Variants in KCTD3 observed in about 807,000 individuals in gnomAD.
KCTD3 encodes the protein BTB/POZ domain-containing protein KCTD3.
A neutral mutation model predicts 85.8 loss-of-function variants in KCTD3; 41 were observed. The ratio of observed to expected loss-of-function variants is 0.48; its 90% CI spans 0.37 to 0.62. KCTD3 has a LOEUF of 0.62. Among genes scored for constraint, KCTD3 ranks in the 20% least tolerant of loss-of-function variants. The pLI, the probability that KCTD3 is intolerant of heterozygous loss-of-function variation, is 0.00. For missense variants in KCTD3, 724 were observed against 989.9 expected (o/e 0.73, Z 3.60); for synonymous variants, 338 against 345.4 (o/e 0.98, Z 0.24).
At chr1:215,597,976 ATACT>A (rs1453788644) in intron 10 of KCTD3, among the ~76,000 whole-genome samples, 6 of 152,148 alleles carry the variant, frequency 3.9e-5, no homozygotes, top group South Asian at 4.2e-4. Flanking sequence ...GAAATATGAG[ATACT>A]TACTTAGATT....
chr1:215,596,999 C>T (rs188028113), intron 10 of KCTD3, among the ~76,000 whole-genome samples: 335 of 152,146 alleles, frequency 2.2e-3, no homozygotes, highest in Middle Eastern at 0.014. Context: ...AAGAGAAAGA[C>T]GTTGAAGAAT....
Position 215,579,096 on chromosome 1 carries a change from A to T in KCTD3, c.494A>T (p.Gln165Leu), listed in dbSNP as rs1252152014. Reference sequence around the variant, plus strand: ...GGTGAAGCCCGGGGAAATGGTACACAGCCTGTTCTCTCTGGAACGGGAGAA... The same window carrying T: ...GGTGAAGCCCGGGGAAATGGTACACTGCCTGTTCTCTCTGGAACGGGAGAA... Reference protein sequence around the residue: ...TEGEARGNGTQPVLSGTGEET... With the variant: ...TEGEARGNGTLPVLSGTGEET... Residue 165 changes from glutamine to leucine, a missense_variant, in exon 7 of 18, where the codon CAG becomes CTG. Coordinates refer to ENST00000259154, the MANE Select transcript of KCTD3 (RefSeq NM_016121.5). 1 of 1,608,766 alleles carries T rather than the reference A, an allele frequency of 6.2e-7. No homozygotes were observed. The highest frequency in any genetic ancestry group is 1.3e-5 in the African/African-American group (1 of 74,524).
chr1:215,581,815 T>C (rs1659835493), intron 8 of KCTD3, among the ~76,000 whole-genome samples: 1 of 152,188 alleles, frequency 6.6e-6, no homozygotes, highest in Non-Finnish European at 1.5e-5. Flanking sequence ...ACAATGGCAA[T>C]AAAAAGATTT....
At position 215,620,470 on chromosome 1, in the gene KCTD3, G is replaced by C. The variant is rs762293357; in HGVS notation, c.2300G>C (p.Arg767Thr). The change falls in exon 18 of 18, where the codon AGA becomes ACA. Residue 767 changes from arginine to threonine, a missense_variant. By Grantham distance (71) the Arg-to-Thr change is moderately conservative. Transcript: ENST00000259154. ...GGFEGGGFLG[R>T]KKVPYLASSP... ...TTTGAAGGGGGAGGATTCCTTGGAAGAAAGAAAGTTCCCTATCTGGCGTCA... is the reference window on the plus strand; with the variant it reads ...TTTGAAGGGGGAGGATTCCTTGGAACAAAGAAAGTTCCCTATCTGGCGTCA... The C allele has an allele frequency of 1.1e-5, 17 of 1,613,850 alleles. No homozygotes were observed. The highest frequency in any genetic ancestry group is 1.4e-5 in the Non-Finnish European group (17 of 1,179,786).
chr1:215,594,115 C>G (rs1660322261), intron 9 of KCTD3, among the ~76,000 whole-genome samples: 1 of 152,150 alleles, frequency 6.6e-6, no homozygotes, highest in Admixed American at 6.5e-5. Context: ...CCGCCCTGGC[C>G]TCCCAAAGTG....
rs1233576553 is a variant in KCTD3, at chr1:215,575,924, A to G, written c.207A>G (p.Ala69=). ...TGAIFIDRDP[A]AFAPILNFLR... ...AGATATTTATTGATAGAGATCCAGC[A>G]GCATTTGCACCCATTTTAAATTTTC... Residue 69 remains alanine, a synonymous_variant, in exon 4 of 18, where the codon GCA becomes GCG. Transcript: ENST00000259154. 1 of 1,562,824 alleles carries G rather than the reference A, an allele frequency of 6.4e-7. No individual in the cohort carries two copies. Among genetic ancestry groups the G allele is most frequent in the Non-Finnish European group, 8.7e-7 (1 of 1,150,718 alleles).
chr1:215,606,710 A>C (rs1236034829), intron 13 of KCTD3, among the ~76,000 whole-genome samples: 1 of 152,070 alleles, frequency 6.6e-6, no homozygotes, highest in Non-Finnish European at 1.5e-5. Flanking sequence ...TGTCAAGAGA[A>C]ATATCCTTTT....
chr1:215,586,417 G>T, intron 8 of KCTD3, 78 bp from the exon 9 acceptor site: 22 of 1,122,010 alleles, frequency 2.0e-5, no homozygotes, highest in Admixed American at 7.3e-5. Flanking sequence ...GTTGTTTTTT[G>T]TTTTTGGTGC....
At chr1:215,570,230 C>CT (rs528176748) in intron 1 of KCTD3, among the ~76,000 whole-genome samples, 3,769 of 139,188 alleles carry the variant, frequency 0.027, 149 homozygotes, top group African/African-American at 0.09. Context: ...TCGGTAAGGT[C>CT]TTTTTTTTTT....
At chr1:215,582,797 A>G (rs111712738) in intron 8 of KCTD3, among the ~76,000 whole-genome samples, 4,992 of 152,176 alleles carry the variant, frequency 0.033, 200 homozygotes, top group African/African-American at 0.093. Flanking sequence ...CCTGATCTCA[A>G]GTGATTCACC....
At chr1:215,599,693 G>A (rs1485083963) in intron 10 of KCTD3, among the ~76,000 whole-genome samples, 6 of 152,112 alleles carry the variant, frequency 3.9e-5, no homozygotes, top group Non-Finnish European at 8.8e-5. Context: ...GTAACTCACT[G>A]TAACTCTGCT....
At chr1:215,581,461 A>G (rs1659822445) in intron 8 of KCTD3, among the ~76,000 whole-genome samples, 1 of 152,140 alleles carries the variant, frequency 6.6e-6, no homozygotes, top group South Asian at 2.1e-4. Flanking sequence ...CCTTGTTTAC[A>G]TATTATGTAC....
chr1:215,606,989 A>G (rs924070615), intron 13 of KCTD3, among the ~76,000 whole-genome samples: 18 of 151,976 alleles, frequency 1.2e-4, no homozygotes, highest in African/African-American at 4.3e-4. Context: ...CCTAGAACAA[A>G]ATGTCCCCTT....
chr1:215,567,413 A>G lies in KCTD3; in HGVS notation c.-273A>G, dbSNP rs1659160489. On this transcript the variant is annotated 5_prime_UTR_variant, in exon 1 of 18. Coordinates refer to ENST00000259154, the MANE Select transcript of KCTD3 (RefSeq NM_016121.5). ...CGGCGTCGGTGGCAGCGGAGCACGG[A>G]GAAGAGGCCCGGGCGGCCCGGCGGC... 1 of 215,510 alleles carries G rather than the reference A, an allele frequency of 4.6e-6. No homozygotes were observed. The highest frequency in any genetic ancestry group is 9.0e-6 in the Non-Finnish European group (1 of 110,804). 13.3% of individuals were successfully genotyped at this position (215,510 alleles called of 1,614,324 possible).
In KCTD3 at chr1:215,620,250, C is replaced by T; in HGVS notation, c.2080C>T (p.Gln694Ter). Residue 694 changes from glutamine (Q) to a stop codon, truncating the protein, a stop_gained, in exon 18 of 18, where the codon CAA becomes TAA. Coordinates refer to ENST00000259154, the MANE Select transcript of KCTD3 (RefSeq NM_016121.5). LOFTEE classifies it low-confidence loss of function (END_TRUNC). ...TGAAAATGGTAACTTGGGTCCAATA[C>T]AAGCTGAAGTGAAAGGGGCAACAGG... ...VPENGNLGPIQAEVKGATGEC... is the reference protein window; with the variant it reads ...VPENGNLGPI The T allele has an allele frequency of 1.2e-6, 2 of 1,613,808 alleles. No individual in the cohort carries two copies. Among genetic ancestry groups the T allele is most frequent in the Non-Finnish European group, 8.5e-7 (1 of 1,179,834 alleles).
chr1:215,609,674 TGA>T (rs1240709718), intron 14 of KCTD3, among the ~76,000 whole-genome samples: 1 of 151,960 alleles, frequency 6.6e-6, no homozygotes, highest in East Asian at 1.9e-4. Context: ...GTGGCAGGCA[TGA>T]GAGAGGAAGG....
At chr1:215,603,078 A>G (rs772755824) in intron 12 of KCTD3, among the ~76,000 whole-genome samples, 10 of 152,202 alleles carry the variant, frequency 6.6e-5, no homozygotes, top group Admixed American at 1.3e-4. Context: ...TGTGGCATGC[A>G]GAGTTTAAAA....
chr1:215,617,689 C>G (rs1054451196), intron 15 of KCTD3, among the ~76,000 whole-genome samples: 1 of 151,110 alleles, frequency 6.6e-6, no homozygotes, highest in East Asian at 1.9e-4. Context: ...TTTTATCCTC[C>G]CTGTACCAGG....
Position 215,620,785 on chromosome 1 carries a change from C to A in KCTD3, c.*167C>A, listed in dbSNP as rs192800766. 3.2e-4 allele frequency: 168 copies of A among 531,780 alleles called. No homozygotes were observed. Among genetic ancestry groups the A allele is most frequent in the Non-Finnish European group, 4.6e-4 (141 of 309,064 alleles). 32.9% of individuals were successfully genotyped at this position (531,780 alleles called of 1,614,324 possible). A position where few individuals can be genotyped will look rare whatever the true frequency, so the allele number is the denominator to read the frequency against. On this transcript the variant is annotated 3_prime_UTR_variant, in exon 18 of 18. Transcript: ENST00000259154. ...GAATAATGAGATACAATAATCATAT[C>A]TCTTTTGACATTTTGGAAATTTTTT...
Sources: allele counts gnomAD v4.1 joint callset (sites outside exome capture counted in the v4.1 genomes callset), GRCh38; gene constraint gnomAD v4.1.1; transcripts MANE v1.5; gene names NCBI Gene and HGNC (gene_info 2026-07-23, HGNC 2026-07-21).